SDK1: variants seen among roughly 807,000 people sequenced by gnomAD.
SDK1 encodes protein sidekick-1.
SDK1 carries 157 observed loss-of-function variants against 245.5 expected under a neutral mutation model. The observed-to-expected ratio is 0.64, with a 90% CI of 0.56 to 0.73. The LOEUF (loss-of-function observed/expected upper bound fraction) is 0.73. Ranked by LOEUF, SDK1 falls within the 30% of genes least tolerant of loss-of-function variation. The pLI is 0.00. For missense variants in SDK1, 3,583 were observed against 3,002.3 expected (o/e 1.19, Z -4.52); for synonymous variants, 1,647 against 1,278.5 (o/e 1.29, Z -6.15).
chr7:3,852,444 A>T (rs1780440865), intron 5 of SDK1, among the ~76,000 whole-genome samples: 1 of 151,968 alleles, frequency 6.6e-6, no homozygotes. Context: ...TTTAAATCTC[A>T]TTTATTTAAA....
chr7:4,094,524 A>G (rs1433318521), intron 22 of SDK1, among the ~76,000 whole-genome samples: 6 of 152,200 alleles, frequency 3.9e-5, no homozygotes, highest in Admixed American at 3.9e-4. Flanking sequence ...AGGAAAGTAC[A>G]AGGAGAACCT....
chr7:4,006,973 C>G (rs185993696), intron 14 of SDK1, among the ~76,000 whole-genome samples: 5 of 152,352 alleles, frequency 3.3e-5, no homozygotes, highest in East Asian at 1.9e-4. Context: ...TCTGATTAAT[C>G]GCCTCAGTCA....
intron 4 of SDK1, among the ~76,000 whole-genome samples, chr7:3,814,442 T>A (rs1315987267): frequency 4.0e-5 from 6 of 151,606 alleles, no homozygotes; most frequent in Non-Finnish European, 5.9e-5. Flanking sequence ...GCGTTATTTC[T>A]GAGGGCTCTG....
chr7:3,723,941 T>G lies in SDK1; in HGVS notation c.713+81836T>G, dbSNP rs891125730. Reference sequence around the variant, plus strand: ...ATATACACGTATATATATATATATATATAGAGAGAGAGAGAGAGAGAGAGA... The same window carrying G: ...ATATACACGTATATATATATATATAGATAGAGAGAGAGAGAGAGAGAGAGA... On this transcript the variant is annotated intron_variant, in intron 4 of 44. Coordinates refer to ENST00000404826, the MANE Select transcript of SDK1 (RefSeq NM_152744.4). 9.8e-3 allele frequency among the ~76,000 whole-genome samples: 1,088 copies of G among 111,348 alleles called. 39 individuals are homozygous for G. Among genetic ancestry groups the G allele is most frequent in the South Asian group, 0.017 (55 of 3,252 alleles). 73.0% of individuals were successfully genotyped at this position (111,348 alleles called of 152,430 possible).
chr7:3,543,522 C>A (rs1779116106), intron 1 of SDK1, among the ~76,000 whole-genome samples: 1 of 152,290 alleles, frequency 6.6e-6, no homozygotes, highest in East Asian at 1.9e-4. Context: ...CTTGCAGGGG[C>A]CACCTCTACT....
At chr7:3,622,199 C>G (rs1214636270) in intron 2 of SDK1, among the ~76,000 whole-genome samples, 2 of 152,006 alleles carry the variant, frequency 1.3e-5, no homozygotes, top group Admixed American at 6.6e-5. Context: ...TTTTGTAGGC[C>G]CGGCGCAGTG....
At chr7:3,822,489 GC>G (rs1195611874) in intron 5 of SDK1, among the ~76,000 whole-genome samples, 1 of 152,126 alleles carries the variant, frequency 6.6e-6, no homozygotes. Context: ...AGTATGTGGG[GC>G]TAGGCATGGT....
chr7:3,427,617 T>C (rs927455028), intron 1 of SDK1, among the ~76,000 whole-genome samples: 1 of 152,072 alleles, frequency 6.6e-6, no homozygotes, highest in Non-Finnish European at 1.5e-5. Context: ...TCATACGATA[T>C]AAGATGGGCC....
chr7:3,771,273 A>G (rs2115000292), intron 4 of SDK1, among the ~76,000 whole-genome samples: 1 of 152,176 alleles, frequency 6.6e-6, no homozygotes, highest in Admixed American at 6.5e-5. Context: ...CCCTCTTGGA[A>G]TTGGAGCTTG....
At chr7:3,940,010 A>G (rs1780297732) in intron 5 of SDK1, among the ~76,000 whole-genome samples, 2 of 152,278 alleles carry the variant, frequency 1.3e-5, no homozygotes, top group African/African-American at 4.8e-5. Context: ...AAGGCCAGGA[A>G]AGACTCACCA....
At chr7:3,444,224 GTGGTCTCCC>G (rs1780279978) in intron 1 of SDK1, among the ~76,000 whole-genome samples, 1 of 152,212 alleles carries the variant, frequency 6.6e-6, no homozygotes, top group East Asian at 1.9e-4. Context: ...TCTTCTTTGG[GTGGTCTCCC>G]TGGCAGTGTG....
intron 7 of SDK1, among the ~76,000 whole-genome samples, chr7:3,956,593 A>C (rs1041424642): frequency 6.6e-6 from 1 of 152,220 alleles, no homozygotes; most frequent in African/African-American, 2.4e-5. Flanking sequence ...TTTTCCACCC[A>C]TGCCTAGCAC....
intron 22 of SDK1, among the ~76,000 whole-genome samples, chr7:4,094,655 T>C (rs1782029302): frequency 6.6e-6 from 1 of 152,228 alleles, no homozygotes; most frequent in Admixed American, 6.5e-5. Flanking sequence ...GTTTCCTTTA[T>C]TGTTATCAAA....
intron 4 of SDK1, among the ~76,000 whole-genome samples, chr7:3,761,843 C>G (rs922246118): frequency 1.3e-5 from 2 of 152,054 alleles, no homozygotes; most frequent in Admixed American, 6.6e-5. Flanking sequence ...AAGTATGAAG[C>G]CTTTGTATTT....
At chr7:3,814,144 T>C (rs1468282348) in intron 4 of SDK1, among the ~76,000 whole-genome samples, 1 of 148,416 alleles carries the variant, frequency 6.7e-6, no homozygotes, top group Non-Finnish European at 1.5e-5. Flanking sequence ...ATTTTGGCTT[T>C]TGTTGCCATT....
At chr7:4,130,728 C>T (rs544694513) in intron 27 of SDK1, among the ~76,000 whole-genome samples, 21 of 152,288 alleles carry the variant, frequency 1.4e-4, no homozygotes, top group Middle Eastern at 6.8e-3. Flanking sequence ...TATGTTTTCC[C>T]ACTCTGCAGA....
chr7:4,153,758 C>G (rs942437307), intron 30 of SDK1, among the ~76,000 whole-genome samples: 1 of 152,174 alleles, frequency 6.6e-6, no homozygotes, highest in Non-Finnish European at 1.5e-5. Flanking sequence ...TTCACTGCAG[C>G]CTCCAACTCC....
chr7:3,308,301 G>T (rs1168382459), intron 1 of SDK1, among the ~76,000 whole-genome samples: 1 of 152,142 alleles, frequency 6.6e-6, no homozygotes, highest in African/African-American at 2.4e-5. Flanking sequence ...CGATGGATGA[G>T]AATGTTTATA....
intron 1 of SDK1, among the ~76,000 whole-genome samples, chr7:3,518,836 A>G (rs1331601156): frequency 6.6e-6 from 1 of 152,176 alleles, no homozygotes; most frequent in Non-Finnish European, 1.5e-5. Flanking sequence ...TCAAAGAGAT[A>G]CCTGCACTTC....
Sources: gnomAD v4.1 joint callset for allele counts (sites outside exome capture counted in the v4.1 genomes callset) on GRCh38, gnomAD v4.1.1 for gene constraint, MANE v1.5 for transcripts, NCBI Gene and HGNC (gene_info 2026-07-23, HGNC 2026-07-21) for gene names.